The following CHD4 variants were observed in gnomAD, a reference collection of about 807,000 sequenced individuals.
CHD4 encodes the protein chromodomain helicase DNA binding protein 4.
Under a neutral mutation model 235.5 loss-of-function variants are expected in CHD4, and 35 were observed. That is an observed-to-expected ratio of 0.15 (90% CI 0.11 to 0.20). CHD4 has a LOEUF of 0.20. CHD4 is among the 10% of genes least tolerant of loss of function. The pLI, the probability that CHD4 is intolerant of heterozygous loss-of-function variation, is 1.00. For synonymous variants in CHD4, 900 were observed against 850.2 expected, an observed-to-expected ratio of 1.06 and a Z score of -1.02; for missense variants, 1,329 against 2,432.3, an observed-to-expected ratio of 0.55 and a Z score of 9.54.
intron 37 of CHD4, among the ~76,000 whole-genome samples, chr12:6,576,463 C>A (rs987267497): frequency 1.3e-5 from 2 of 152,148 alleles, no homozygotes; most frequent in African/African-American, 4.8e-5. Flanking sequence ...TACAGGTGCA[C>A]GCCACCAGAA....
chr12:6,597,700 A>C (rs796171176), intron 12 of CHD4, among the ~76,000 whole-genome samples, 194 bp downstream of exon 12: 51 of 151,554 alleles, frequency 3.4e-4, no homozygotes, highest in African/African-American at 1.2e-3. Context: ...TGGGAGGCAG[A>C]GGTTGCAGTG....
Position 6,598,390 on chromosome 12 carries a change from T to C in CHD4, c.1518A>G (p.Leu506=), listed in dbSNP as rs1305484235. 6.2e-7 allele frequency: 1 copy of C among 1,613,040 alleles called. No individual in the cohort carries two copies. The highest frequency in any genetic ancestry group is 1.7e-5 in the Admixed American group (1 of 59,822). The stretch of plus-strand genomic sequence containing the variant: ...ATGGTGGCTGACCCCACTTCCAGAT[T>C]AGGATCTTCTGCACTTTGCCCTTCA... ...PALKGKVQKI[L]IWKWGQPPSP... Residue 506 remains leucine, a synonymous_variant, in exon 11 of 40, where the codon CTA becomes CTG. Transcript: ENST00000544040.
In CHD4 at chr12:6,588,384, G is replaced by A. The variant is rs747971011; in HGVS notation, c.3379C>T (p.Arg1127Ter). ...AGATTGATTCCAAGGCCCCCAGCTC[G>A]AGTGGAAAGCAAGAAGCAGAACTGC... is the stretch of plus-strand genomic sequence containing the variant. ...AQQFCFLLST[R>*]AGGLGINLAT... The change falls in exon 23 of 40, where the codon CGA (arginine) becomes TGA (stop). Residue 1127 changes from arginine to a stop codon, truncating the protein, a stop_gained. Transcript: ENST00000544040. LOFTEE classifies it high-confidence loss of function. The A allele has an allele frequency of 6.2e-7, 1 of 1,614,158 alleles. No individual in the cohort carries two copies. Among genetic ancestry groups the A allele is most frequent in the Non-Finnish European group, 8.5e-7 (1 of 1,180,014 alleles).
intron 37 of CHD4, among the ~76,000 whole-genome samples, chr12:6,576,965 C>G (rs1032335587): frequency 6.6e-6 from 1 of 151,086 alleles, no homozygotes; most frequent in Non-Finnish European, 1.5e-5. Context: ...GAGACAGAGT[C>G]TCACTCTGTT....
At chr12:6,600,460 C>CAAAAACCA in intron 8 of CHD4, 65 bp from the exon 9 acceptor site, 1 of 1,605,542 alleles carries the variant, frequency 6.2e-7, no homozygotes, top group Non-Finnish European at 8.5e-7. Context: ...CCCCCGACCC[C>CAAAAACCA]TATCTCCTTA....
rs373101952 is a variant in CHD4 at position 6,595,443 on chromosome 12, G to C, written c.2025-13C>G. ...CCTCATTAACTCCCTAAAGAAGAAAGACATCACACAGCTGCCCAAAATCCT... is the reference window on the plus strand; with the variant it reads ...CCTCATTAACTCCCTAAAGAAGAAACACATCACACAGCTGCCCAAAATCCT... On this transcript the variant is annotated splice_polypyrimidine_tract_variant and intron_variant, in intron 13 of 39. Coordinates refer to ENST00000544040, the MANE Select transcript of CHD4 (RefSeq NM_001273.5). 9.9e-5 allele frequency: 159 copies of C among 1,610,118 alleles called. No individual in the cohort carries two copies. The highest frequency in any genetic ancestry group is 1.3e-4 in the Non-Finnish European group (149 of 1,176,932).
intron 22 of CHD4, among the ~76,000 whole-genome samples, chr12:6,589,244 G>T (rs554565935): frequency 1.4e-4 from 21 of 152,148 alleles, no homozygotes; most frequent in Non-Finnish European, 1.0e-4. Flanking sequence ...AATAATCATT[G>T]TAATCAAGGT....
chr12:6,602,033 G>A lies in CHD4; in HGVS notation c.365C>T (p.Pro122Leu), dbSNP rs549141497. The change falls in exon 4 of 40, where the codon CCT (proline) becomes CTT (leucine). Residue 122 changes from proline (P) to leucine (L), a missense_variant. By Grantham distance (98) the Pro-to-Leu change is moderately conservative. This residue lies in a region of CHD4 where 213 missense variants were observed against 177.5 expected (regional missense o/e 1.20). Coordinates refer to ENST00000544040, the MANE Select transcript of CHD4 (RefSeq NM_001273.5). ...PGKKKKKKLG[P>L]KKEKKSKSKR... The stretch of plus-strand genomic sequence containing the variant: ...GGATTTGCTCTTCTTCTCTTTCTTA[G>A]GTCCAAGCTTCTTCTTCTTCTTCTT... 2 of 1,612,452 alleles carry A rather than the reference G, an allele frequency of 1.2e-6. No homozygotes were observed. The highest frequency in any genetic ancestry group is 1.7e-5 in the Admixed American group (1 of 59,916).
chr12:6,584,810 G>C (rs1384954564), intron 25 of CHD4: 2 of 152,242 alleles, frequency 1.3e-5, no homozygotes, highest in Non-Finnish European at 2.9e-5. Flanking sequence ...GTAGTCACCA[G>C]CAAGGATGAT....
Position 6,591,512 on chromosome 12 carries a change from A to G in CHD4, c.3294T>C (p.Gly1098=). 6.2e-7 allele frequency: 1 copy of G among 1,614,210 alleles called. No homozygotes were observed. Among genetic ancestry groups the G allele is most frequent in the Non-Finnish European group, 8.5e-7 (1 of 1,180,048 alleles). ...HEGYKYERID[G]GITGNMRQEA... ...CTTGCCGCATGTTCCCAGTGATTCC[A>G]CCATCGATGCGTTCGTATTTATAAC... Residue 1098 remains glycine (G), a synonymous_variant, in exon 22 of 40, where the codon GGT becomes GGC. Transcript: ENST00000544040.
rs1325878497 is a variant in CHD4 at position 6,601,420 on chromosome 12, C to A, written c.668G>T (p.Gly223Val). Residue 223 changes from glycine to valine, a missense_variant, in exon 6 of 40, where the codon GGG becomes GTG. Transcript: ENST00000544040. ...TGCTGCCGCAGCTGCCACTGATGCC[C>A]CAGAACTGCCTTTGAAGGGGTTATT... ...STNNPFKGSS[G>V]ASVAAAAAAA... The A allele has an allele frequency of 1.2e-6, 2 of 1,614,180 alleles. No homozygotes were observed. Among genetic ancestry groups the A allele is most frequent in the Non-Finnish European group, 8.5e-7 (1 of 1,180,038 alleles).
intron 14 of CHD4, 89 bp downstream of exon 14, chr12:6,595,245 A>G: frequency 8.9e-7 from 1 of 1,117,608 alleles, no homozygotes; most frequent in East Asian, 2.5e-5. Flanking sequence ...TACTATCTGC[A>G]TTTCATTACT....
At chr12:6,604,349 T>C (rs574033463) in intron 2 of CHD4, among the ~76,000 whole-genome samples, 1 of 152,214 alleles carries the variant, frequency 6.6e-6, no homozygotes, top group African/African-American at 2.4e-5. Context: ...AAATTAGCCC[T>C]AAAATGTCTC....
rs962000629 is a variant in CHD4 at position 6,573,236 on chromosome 12, G to A, written c.5395C>T (p.Leu1799=). 6.3e-7 allele frequency: 1 copy of A among 1,577,050 alleles called. No homozygotes were observed. The highest frequency in any genetic ancestry group is 8.6e-7 in the Non-Finnish European group (1 of 1,167,318). ...LEQALVIEEQ[L]RRAAYLNMSE... Reference sequence around the variant, plus strand: ...ATGTTCAAGTAAGCAGCCCGGCGCAGCTGTTCCTCAATCACCAGAGCTTGT... The same window carrying A: ...ATGTTCAAGTAAGCAGCCCGGCGCAACTGTTCCTCAATCACCAGAGCTTGT... Residue 1799 remains leucine, a synonymous_variant, in exon 38 of 40, where the codon CTG becomes TTG. Coordinates refer to ENST00000544040, the MANE Select transcript of CHD4 (RefSeq NM_001273.5).
At chr12:6,579,861 C>T (rs1036478902) in intron 33 of CHD4, among the ~76,000 whole-genome samples, 2 of 151,614 alleles carry the variant, frequency 1.3e-5, no homozygotes, top group Non-Finnish European at 2.9e-5. Context: ...TGGAGACCAT[C>T]CTAGCTAACA....
intron 25 of CHD4, 187 bp from the exon 26 acceptor site, chr12:6,583,565 T>C (rs1948230341): frequency 5.5e-6 from 3 of 544,480 alleles, no homozygotes; most frequent in African/African-American, 1.9e-5. Flanking sequence ...CATAATTACA[T>C]ATAGATTAGC....
chr12:6,600,614 C>T lies in CHD4; in HGVS notation c.983G>A (p.Ser328Asn), dbSNP rs1948572767. 6.2e-7 allele frequency: 1 copy of T among 1,613,950 alleles called. No individual in the cohort carries two copies. The highest frequency in any genetic ancestry group is 8.5e-7 in the Non-Finnish European group (1 of 1,180,014). Residue 328 changes from serine to asparagine, a missense_variant, in exon 8 of 40, where the codon AGC (serine) becomes AAC (asparagine). Transcript: ENST00000544040. ...ESDFDDASIN[S>N]YSVSDGSTSR... ...GGTGGAACCATCAGAAACAGAATAG[C>T]TATTGATACTGGCATCATCGAAGTC...
chr12:6,578,315 G>A (rs1270261993), intron 35 of CHD4, 94 bp downstream of exon 35: 3 of 1,479,228 alleles, frequency 2.0e-6, no homozygotes, highest in Middle Eastern at 1.8e-4. Context: ...TCAAACAGAG[G>A]TAAAGAGGTA....
chr12:6,576,685 A>T (rs1948077055), intron 37 of CHD4, among the ~76,000 whole-genome samples: 1 of 151,880 alleles, frequency 6.6e-6, no homozygotes, highest in Admixed American at 6.6e-5. Flanking sequence ...GGCTCACTGC[A>T]ACCTCCGCCT....
Sources: allele counts gnomAD v4.1 joint callset (sites outside exome capture counted in the v4.1 genomes callset), GRCh38; gene constraint gnomAD v4.1.1; regional missense constraint gnomAD v4.1.1; transcripts MANE v1.5; gene names NCBI Gene and HGNC (gene_info 2026-07-23, HGNC 2026-07-21).